Variants in TRAP1 observed in about 807,000 individuals in gnomAD.
TRAP1 encodes the protein heat shock protein 75 kDa, mitochondrial.
A neutral mutation model predicts 89.1 loss-of-function variants in TRAP1; 102 were observed. That is an observed-to-expected ratio of 1.15 (90% CI 0.98 to 1.35). The LOEUF (loss-of-function observed/expected upper bound fraction) is 1.35, where lower values mean the gene tolerates loss of function less well. Ranked by LOEUF, TRAP1 falls within the 40% of genes most tolerant of loss-of-function variation. TRAP1 has a pLI of 0.00. For missense variants in TRAP1, 1,256 were observed against 945.3 expected (o/e 1.33, Z -4.31); for synonymous variants, 508 against 388.0 (o/e 1.31, Z -3.64).
Position 3,691,818 on chromosome 16 carries a change from C to G in TRAP1, c.89-833G>C, listed in dbSNP as rs564498682. On this transcript the variant is annotated intron_variant, in intron 1 of 17. Coordinates refer to ENST00000246957, the MANE Select transcript of TRAP1 (RefSeq NM_016292.3). ...GTGTACTTTAAAAACTGAAAAACAG[C>G]TGACGATGGGTTCTACCTTCTAACT... is the stretch of plus-strand genomic sequence containing the variant. Among the ~76,000 whole-genome samples the G allele has an allele frequency of 4.6e-5, 7 of 152,288 alleles. 1 individual carries two copies. The highest frequency in any genetic ancestry group is 1.7e-4 in the African/African-American group (7 of 41,566).
chr16:3,664,789 G>T, intron 12 of TRAP1: 1 of 275,558 alleles, frequency 3.6e-6, no homozygotes. Flanking sequence ...TCTGCCCTCA[G>T]TGACAGAGTC....
intron 6 of TRAP1, among the ~76,000 whole-genome samples, 198 bp downstream of exon 6, chr16:3,677,300 C>A (rs1274218548): frequency 6.6e-6 from 1 of 152,116 alleles, no homozygotes; most frequent in Admixed American, 6.6e-5. Context: ...TGGTGACCAA[C>A]CACATGGGAC....
intron 11 of TRAP1, among the ~76,000 whole-genome samples, chr16:3,670,003 C>A (rs940112886): frequency 5.9e-5 from 9 of 152,092 alleles, no homozygotes; most frequent in Middle Eastern, 3.4e-3. Flanking sequence ...ATTAAAAGTG[C>A]TTCCAAAAAA....
intron 16 of TRAP1, chr16:3,660,264 C>G (rs550362861): frequency 1.3e-5 from 2 of 152,194 alleles, no homozygotes; most frequent in African/African-American, 2.4e-5. Context: ...ACTGGGGACA[C>G]AGGTAGGAGG....
At position 3,661,982 on chromosome 16, in the gene TRAP1, C is replaced by G. The variant is rs766252307; in HGVS notation, c.1940+5G>C. Reference sequence around the variant, plus strand: ...AGGCTGGAAGAGCCAGGAGCGTGGCCTCACCTGGGGTTGATCTCCAGCGTG... The same window carrying G: ...AGGCTGGAAGAGCCAGGAGCGTGGCGTCACCTGGGGTTGATCTCCAGCGTG... On this transcript the variant is annotated splice_donor_5th_base_variant and intron_variant, in intron 16 of 17. Transcript: ENST00000246957. 6.3e-6 allele frequency: 10 copies of G among 1,598,112 alleles called. No individual in the cohort carries two copies. The highest frequency in any genetic ancestry group is 3.3e-5 in the South Asian group (3 of 90,130).
Position 3,674,425 on chromosome 16 carries a change from G to C in TRAP1, c.958C>G (p.Gln320Glu). The C allele has an allele frequency of 6.2e-7, 1 of 1,614,108 alleles. No individual in the cohort carries two copies. Among genetic ancestry groups the C allele is most frequent in the Non-Finnish European group, 8.5e-7 (1 of 1,180,036 alleles). ...GTGTAGCGGGGCTTGTCGTGAGCCT[G>C]CGCGACGTAGCGGTAGAACTCCTCA... ...QHEEFYRYVA[Q>E]AHDKPRYTLH... Residue 320 changes from glutamine to glutamate, a missense_variant, in exon 9 of 18, where the codon CAG becomes GAG. By Grantham distance (29) the Gln-to-Glu change is conservative. Coordinates refer to ENST00000246957, the MANE Select transcript of TRAP1 (RefSeq NM_016292.3).
intron 3 of TRAP1, 56 bp from the exon 4 acceptor site, chr16:3,686,192 C>T: frequency 6.3e-7 from 1 of 1,585,396 alleles, no homozygotes; most frequent in East Asian, 2.2e-5. Flanking sequence ...CCTGCAGGAT[C>T]TATCTGGTCA....
chr16:3,676,053 C>A lies in TRAP1; in HGVS notation c.797G>T (p.Ser266Ile). Residue 266 changes from serine (S) to isoleucine (I), a missense_variant, in exon 7 of 18, where the codon AGC becomes ATC. Physicochemically the swap from Ser to Ile is moderately radical, Grantham distance 142. Coordinates refer to ENST00000246957, the MANE Select transcript of TRAP1 (RefSeq NM_016292.3). ...CCGCTCACCTCGCACCCGGGCCTCG[C>A]TGGAAAACTCCTTGCAGTCGGATTT... Reference protein sequence around the residue: ...HLKSDCKEFSSEARVRDVVTK... With the variant: ...HLKSDCKEFSIEARVRDVVTK... The A allele has an allele frequency of 6.2e-7, 1 of 1,613,840 alleles. No homozygotes were observed.
At chr16:3,711,349 C>T (rs2051528988) in intron 1 of TRAP1, among the ~76,000 whole-genome samples, 1 of 152,024 alleles carries the variant, frequency 6.6e-6, no homozygotes, top group Non-Finnish European at 1.5e-5. Context: ...ACCTGTAATC[C>T]CAGCACTTTG....
At chr16:3,662,565 G>C (rs1052031521) in intron 15 of TRAP1, 2 of 584,930 alleles carry the variant, frequency 3.4e-6, no homozygotes, top group Non-Finnish European at 6.4e-6. Flanking sequence ...GAGCTCCTGA[G>C]GGCTGGGGTA....
chr16:3,696,378 G>C (rs553572255), intron 1 of TRAP1, among the ~76,000 whole-genome samples: 1 of 152,252 alleles, frequency 6.6e-6, no homozygotes, highest in African/African-American at 2.4e-5. Context: ...GCAAAATAAC[G>C]AACGACAATA....
intron 1 of TRAP1, among the ~76,000 whole-genome samples, chr16:3,692,198 G>A (rs1354898888): frequency 1.3e-5 from 2 of 152,166 alleles, no homozygotes; most frequent in African/African-American, 4.8e-5. Context: ...GTAACAAGTA[G>A]AAAGGAAAGA....
chr16:3,712,875 C>G (rs2051550468), intron 1 of TRAP1, among the ~76,000 whole-genome samples: 1 of 152,198 alleles, frequency 6.6e-6, no homozygotes, highest in South Asian at 2.1e-4. Context: ...CTCGGCCTCC[C>G]AAAGTGCTGG....
chr16:3,669,961 G>A (rs1226128192), intron 11 of TRAP1, among the ~76,000 whole-genome samples: 1 of 151,800 alleles, frequency 6.6e-6, no homozygotes, highest in South Asian at 2.1e-4. Context: ...AGTAAACTAT[G>A]GTACATCCCT....
chr16:3,677,710 A>T (rs1450478825), intron 5 of TRAP1, 52 bp from the exon 6 acceptor site: 1 of 1,577,918 alleles, frequency 6.3e-7, no homozygotes, highest in East Asian at 2.2e-5. Context: ...GAGAGCAGAC[A>T]CTCCCAACAC....
intron 6 of TRAP1, among the ~76,000 whole-genome samples, chr16:3,677,097 C>T (rs1399528381): frequency 6.6e-6 from 1 of 151,604 alleles, no homozygotes; most frequent in Admixed American, 6.6e-5. Context: ...GGCTCCTCAC[C>T]CTATAGAGGC....
At chr16:3,715,142 G>T (rs2051580978) in intron 1 of TRAP1, among the ~76,000 whole-genome samples, 1 of 152,168 alleles carries the variant, frequency 6.6e-6, no homozygotes, top group African/African-American at 2.4e-5. Flanking sequence ...CAATTTTTAA[G>T]AAAAAGAGAT....
chr16:3,662,894 GAC>G lies in TRAP1; in HGVS notation c.1780_1781del (p.Val594HisfsTer90). 6.2e-7 allele frequency: 1 copy of G among 1,613,560 alleles called. No individual in the cohort carries two copies. The highest frequency in any genetic ancestry group is 8.5e-7 in the Non-Finnish European group (1 of 1,179,996). ...AWMRNVLGSR[V>X]TNVKVTLRLD... ...GGGAAAGCCTCACCTTCACGTTGGT[GAC>G]ACGCGACCCCAGCACATTTCTCATC... On this transcript the variant is annotated frameshift_variant, in exon 15 of 18. Transcript: ENST00000246957. LOFTEE classifies it high-confidence loss of function.
chr16:3,672,642 G>T, intron 10 of TRAP1, 58 bp downstream of exon 10: 1 of 1,553,962 alleles, frequency 6.4e-7, no homozygotes, highest in Non-Finnish European at 8.7e-7. Context: ...GTCCCTCACA[G>T]ATGCAGCGGG....
Sources: allele counts gnomAD v4.1 joint callset (sites outside exome capture counted in the v4.1 genomes callset), GRCh38; gene constraint gnomAD v4.1.1; transcripts MANE v1.5; gene names NCBI Gene and HGNC (gene_info 2026-07-23, HGNC 2026-07-21).